The following NELL1 variants were observed in gnomAD, a reference collection of about 807,000 sequenced individuals.
NELL1 encodes the protein neural EGFL like 1.
In NELL1, 76 loss-of-function variants were observed where a neutral mutation model predicts 107.4. The ratio of observed to expected loss-of-function variants is 0.71; its 90% CI spans 0.59 to 0.86. NELL1 has a LOEUF of 0.86. Among genes scored for constraint, NELL1 ranks in the 40% least tolerant of loss-of-function variants. The probability of loss-of-function intolerance (pLI) is 0.00; values close to 1 mark genes in which losing one functional copy is unlikely to be tolerated. For synonymous variants in NELL1, 353 were observed against 341.2 expected, an observed-to-expected ratio of 1.03 and a Z score of -0.38; for missense variants, 1,024 against 1,005.5, an observed-to-expected ratio of 1.02 and a Z score of -0.25.
chr11:21,291,026 G>T (rs1267973158), intron 14 of NELL1, among the ~76,000 whole-genome samples: 4 of 152,144 alleles, frequency 2.6e-5, no homozygotes, highest in African/African-American at 9.7e-5. Flanking sequence ...TTCAGAAGGT[G>T]GGTAACAGCA....
intron 14 of NELL1, among the ~76,000 whole-genome samples, chr11:21,344,875 CA>C (rs1160148200): frequency 0.068 from 795 of 11,688 alleles, 5 homozygotes; most frequent in African/African-American, 0.075. Context: ...TCTGCTTCTC[CA>C]GGAAAAAAAA....
At chr11:20,897,169 A>G (rs1367568497) in intron 5 of NELL1, among the ~76,000 whole-genome samples, 1 of 152,214 alleles carries the variant, frequency 6.6e-6, no homozygotes, top group East Asian at 1.9e-4. Context: ...ACTATACTAC[A>G]AAGCTACAGT....
chr11:20,863,412 C>T (rs1464380390), intron 4 of NELL1, among the ~76,000 whole-genome samples: 2 of 93,386 alleles, frequency 2.1e-5, no homozygotes, highest in African/African-American at 5.9e-5. Context: ...GGCGGAGACG[C>T]TCCTCACTTC....
chr11:21,269,748 G>GAA (rs573831751), intron 14 of NELL1, among the ~76,000 whole-genome samples: 3 of 151,252 alleles, frequency 2.0e-5, no homozygotes, highest in Non-Finnish European at 4.5e-5. Context: ...AAGAAAGAAA[G>GAA]AGCATCAGCG....
At chr11:21,430,593 C>T (rs769594116) in intron 15 of NELL1, among the ~76,000 whole-genome samples, 19 of 152,096 alleles carry the variant, frequency 1.2e-4, no homozygotes, top group Non-Finnish European at 2.6e-4. Context: ...ACCTCAGATA[C>T]GCATTTAATC....
intron 5 of NELL1, among the ~76,000 whole-genome samples, chr11:20,917,632 G>T (rs1850285337): frequency 6.6e-6 from 1 of 151,836 alleles, no homozygotes; most frequent in Non-Finnish European, 1.5e-5. Flanking sequence ...TTAAATTTGA[G>T]CTATTCTTCC....
intron 16 of NELL1, among the ~76,000 whole-genome samples, chr11:21,553,408 C>A (rs1223174673): frequency 6.6e-6 from 1 of 151,850 alleles, no homozygotes; most frequent in Non-Finnish European, 1.5e-5. Context: ...TCCAAGAGAA[C>A]TGTTTAATTC....
chr11:20,932,449 C>T (rs1375216780), intron 9 of NELL1, among the ~76,000 whole-genome samples: 9 of 152,160 alleles, frequency 5.9e-5, no homozygotes, highest in Non-Finnish European at 1.2e-4. Flanking sequence ...GAGCTGCAAA[C>T]GTGAGTTGCG....
chr11:21,500,623 C>T (rs565004014), intron 15 of NELL1, among the ~76,000 whole-genome samples: 2 of 152,180 alleles, frequency 1.3e-5, no homozygotes, highest in East Asian at 1.9e-4. Flanking sequence ...GAGCTTTATA[C>T]GTGACATGGC....
chr11:21,151,126 AG>A (rs1856106079), intron 13 of NELL1, among the ~76,000 whole-genome samples: 1 of 152,198 alleles, frequency 6.6e-6, no homozygotes, highest in South Asian at 2.1e-4. Flanking sequence ...AGATTTGGGT[AG>A]GGACACAGTG....
intron 15 of NELL1, among the ~76,000 whole-genome samples, chr11:21,380,932 A>T (rs961559486): frequency 2.0e-5 from 3 of 152,040 alleles, no homozygotes; most frequent in African/African-American, 7.2e-5. Flanking sequence ...ATTTACATTA[A>T]TCTACTATAC....
At chr11:21,551,305 C>T (rs1040403458) in intron 16 of NELL1, among the ~76,000 whole-genome samples, 23 of 151,988 alleles carry the variant, frequency 1.5e-4, no homozygotes, top group Non-Finnish European at 2.6e-4. Flanking sequence ...AATTTGACTT[C>T]CTCTTTTCCT....
intron 4 of NELL1, among the ~76,000 whole-genome samples, chr11:20,849,476 G>A (rs190078024): frequency 1.5e-3 from 227 of 152,270 alleles, no homozygotes; most frequent in African/African-American, 5.2e-3. Context: ...GTCCTTCATG[G>A]AAACCATGAC....
At position 20,983,149 on chromosome 11, in the gene NELL1, T is replaced by A. The variant is rs575708851; in HGVS notation, c.1300+22589T>A. Among the ~76,000 whole-genome samples the A allele has an allele frequency of 2.6e-5, 4 of 152,256 alleles. No individual in the cohort carries two copies. In the South Asian group the frequency reaches 8.3e-4, roughly 32 times the overall value. On this transcript the variant is annotated intron_variant, in intron 12 of 19. Coordinates refer to ENST00000357134, the MANE Select transcript of NELL1 (RefSeq NM_006157.5). ...CCTGCAAGTATTCGCTGTTTATAGT[T>A]CTGTATCAGTATCCTCAATAGCATT...
chr11:21,571,063 T>G (rs1448865785), intron 18 of NELL1, 123 bp downstream of exon 18: 4 of 774,974 alleles, frequency 5.2e-6, no homozygotes, highest in Non-Finnish European at 6.3e-6. Flanking sequence ...GTGGGGCCTG[T>G]GGCTAAGGGT....
At chr11:21,549,645 T>C (rs1379709848) in intron 16 of NELL1, among the ~76,000 whole-genome samples, 2 of 151,912 alleles carry the variant, frequency 1.3e-5, no homozygotes, top group African/African-American at 4.8e-5. Context: ...GGCCCCCATC[T>C]GTAATTTATC....
chr11:20,803,109 C>G (rs1432654772), intron 3 of NELL1, among the ~76,000 whole-genome samples: 1 of 151,986 alleles, frequency 6.6e-6, no homozygotes, highest in Non-Finnish European at 1.5e-5. Context: ...ATTCCCTCCT[C>G]TATTTTTCAG....
intron 2 of NELL1, among the ~76,000 whole-genome samples, chr11:20,729,881 C>T (rs1425404346): frequency 9.2e-5 from 14 of 152,132 alleles, no homozygotes. Context: ...AAATTGGATG[C>T]ACTCAGGATG....
chr11:21,300,422 T>C (rs1445815191), intron 14 of NELL1, among the ~76,000 whole-genome samples: 2 of 151,972 alleles, frequency 1.3e-5, no homozygotes, highest in East Asian at 1.9e-4. Flanking sequence ...TTTATTCACA[T>C]TTCTGGGCTA....
Sources: gnomAD v4.1 joint callset for allele counts (sites outside exome capture counted in the v4.1 genomes callset) on GRCh38, gnomAD v4.1.1 for gene constraint, MANE v1.5 for transcripts, NCBI Gene and HGNC (gene_info 2026-07-23, HGNC 2026-07-21) for gene names.